Variants in ANKFN1 observed in about 807,000 individuals in gnomAD.
The protein encoded by ANKFN1 is ankyrin repeat and fibronectin type III domain containing 1.
ANKFN1 carries 74 observed loss-of-function variants against 108.7 expected under a neutral mutation model. That is an observed-to-expected ratio of 0.68 (90% CI 0.56 to 0.83). ANKFN1 has a LOEUF of 0.83. Among genes scored for constraint, ANKFN1 ranks in the 40% least tolerant of loss-of-function variants. The pLI, the probability that ANKFN1 is intolerant of heterozygous loss-of-function variation, is 0.00. For missense variants in ANKFN1, 1,505 were observed against 1,382.3 expected, an observed-to-expected ratio of 1.09 and a Z score of -1.41; for synonymous variants, 547 against 516.2, an observed-to-expected ratio of 1.06 and a Z score of -0.81.
chr17:56,361,317 A>G (rs2014255203), intron 6 of ANKFN1, among the ~76,000 whole-genome samples: 1 of 152,138 alleles, frequency 6.6e-6, no homozygotes, highest in Admixed American at 6.5e-5. Flanking sequence ...CCATCCCCCA[A>G]AACCCAAAAT....
chr17:56,191,949 T>A (rs146446626), intron 1 of ANKFN1, among the ~76,000 whole-genome samples: 1 of 151,686 alleles, frequency 6.6e-6, no homozygotes, highest in South Asian at 2.1e-4. Flanking sequence ...CCCTTCTCGC[T>A]TCATTTCATT....
At chr17:56,418,471 G>A (rs951078696) in intron 8 of ANKFN1, among the ~76,000 whole-genome samples, 1 of 152,134 alleles carries the variant, frequency 6.6e-6, no homozygotes, top group Non-Finnish European at 1.5e-5. Flanking sequence ...AAATGAAAAT[G>A]TTCAAGTCGA....
chr17:56,261,348 C>T (rs1168607030), intron 3 of ANKFN1, among the ~76,000 whole-genome samples: 1 of 152,172 alleles, frequency 6.6e-6, no homozygotes, highest in Non-Finnish European at 1.5e-5. Context: ...GTTAGTTCCC[C>T]TTTGCAGTTG....
intron 8 of ANKFN1, among the ~76,000 whole-genome samples, chr17:56,426,596 G>A (rs1481961050): frequency 6.6e-6 from 1 of 152,084 alleles, no homozygotes; most frequent in Admixed American, 6.5e-5. Context: ...GAAACTAAAG[G>A]CAACACACAA....
intron 4 of ANKFN1, among the ~76,000 whole-genome samples, chr17:56,334,539 C>A (rs184467590): frequency 6.6e-6 from 1 of 151,878 alleles, no homozygotes; most frequent in Non-Finnish European, 1.5e-5. Flanking sequence ...TATTGAACAC[C>A]TATTTTTTCA....
chr17:56,317,397 T>C (rs1381840248), intron 3 of ANKFN1, among the ~76,000 whole-genome samples: 1 of 152,202 alleles, frequency 6.6e-6, no homozygotes, highest in Non-Finnish European at 1.5e-5. Flanking sequence ...CCCACCCACG[T>C]AGTTAAAGCT....
At position 56,460,452 on chromosome 17, in the gene ANKFN1, A is replaced by AAAAATAAAAT. The variant is rs61400496; in HGVS notation, c.1557+2493_1557+2502dup. On this transcript the variant is annotated intron_variant, in intron 14 of 20. Transcript: ENST00000682825. Reference sequence around the variant, plus strand: ...TGGGTGAAAGAGTAAGACCTTGTCTAAAAATAAAATAAAATAAAATAAAAT... The same window carrying AAAAATAAAAT: ...TGGGTGAAAGAGTAAGACCTTGTCTAAAAATAAAATAAAATAAAATAAAATAAAATAAAAT... Among the ~76,000 whole-genome samples, 42 of 151,228 alleles carry AAAAATAAAAT rather than the reference A, an allele frequency of 2.8e-4. 1 individual carries two copies. Among genetic ancestry groups the AAAAATAAAAT allele is most frequent in the African/African-American group, 1.0e-3 (41 of 40,676 alleles).
intron 8 of ANKFN1, among the ~76,000 whole-genome samples, chr17:56,424,115 A>G (rs1456518297): frequency 6.6e-6 from 1 of 152,220 alleles, no homozygotes; most frequent in African/African-American, 2.4e-5. Context: ...ATTTTTCTGG[A>G]GTCCCACAGG....
intron 8 of ANKFN1, among the ~76,000 whole-genome samples, chr17:56,376,439 C>A (rs1018473922): frequency 3.3e-5 from 5 of 152,174 alleles, no homozygotes; most frequent in African/African-American, 7.2e-5. Flanking sequence ...ACTCTGATAC[C>A]TTTTCTTGGT....
At chr17:56,226,756 A>T (rs1916307608) in intron 2 of ANKFN1, among the ~76,000 whole-genome samples, 1 of 152,214 alleles carries the variant, frequency 6.6e-6, no homozygotes, top group African/African-American at 2.4e-5. Context: ...GAGAGGAAAT[A>T]CAATAAGTCT....
chr17:56,440,340 G>A lies in ANKFN1; in HGVS notation c.924G>A (p.Met308Ile). The change falls in exon 9 of 21, where the codon ATG becomes ATA. Residue 308 changes from methionine to isoleucine, a missense_variant. Physicochemically the swap from Met to Ile is conservative, Grantham distance 10. Coordinates refer to ENST00000682825, the MANE Select transcript of ANKFN1 (RefSeq NM_001370326.1). ...VVTRYKVEWS[M>I]SEDFSPLAGE... ...TACTCCCTCCAGTGGAATGGAGTATGTCCGAAGACTTTTCTCCTTTGGCTG... is the reference window on the plus strand; with the variant it reads ...TACTCCCTCCAGTGGAATGGAGTATATCCGAAGACTTTTCTCCTTTGGCTG... 1 of 1,611,456 alleles carries A rather than the reference G, an allele frequency of 6.2e-7. No homozygotes were observed. The highest frequency in any genetic ancestry group is 8.5e-7 in the Non-Finnish European group (1 of 1,178,268).
intron 8 of ANKFN1, among the ~76,000 whole-genome samples, chr17:56,406,210 G>T (rs1033175188): frequency 6.6e-6 from 1 of 152,130 alleles, no homozygotes; most frequent in Non-Finnish European, 1.5e-5. Context: ...CATCCCATAC[G>T]CAGGAATAGA....
intron 8 of ANKFN1, among the ~76,000 whole-genome samples, chr17:56,379,390 C>T (rs528737787): frequency 6.7e-6 from 1 of 149,692 alleles, no homozygotes; most frequent in African/African-American, 2.5e-5. Flanking sequence ...CAGAGTGAGA[C>T]TCCATCTCAA....
At chr17:56,398,481 A>G (rs1409149292) in intron 8 of ANKFN1, among the ~76,000 whole-genome samples, 1 of 152,172 alleles carries the variant, frequency 6.6e-6, no homozygotes, top group African/African-American at 2.4e-5. Flanking sequence ...CTTTTCTTTA[A>G]AACAACTAGG....
At chr17:56,307,627 G>C (rs1050332525) in intron 3 of ANKFN1, among the ~76,000 whole-genome samples, 2 of 152,164 alleles carry the variant, frequency 1.3e-5, no homozygotes, top group Non-Finnish European at 2.9e-5. Flanking sequence ...TACACTGTTG[G>C]TGGGACTGTA....
chr17:56,092,566 G>A (rs113744961), intron 4 of ANKFN1, among the ~76,000 whole-genome samples: 8 of 151,086 alleles, frequency 5.3e-5, no homozygotes, highest in African/African-American at 9.7e-5. Context: ...GAGCCACCGC[G>A]CCCAGTCGGT....
chr17:56,261,346 C>T (rs752366900), intron 3 of ANKFN1, among the ~76,000 whole-genome samples: 2 of 152,122 alleles, frequency 1.3e-5, no homozygotes, highest in African/African-American at 4.8e-5. Context: ...GTGTTAGTTC[C>T]CCTTTGCAGT....
chr17:56,180,306 C>T (rs1911567812), intron 1 of ANKFN1, among the ~76,000 whole-genome samples: 3 of 152,266 alleles, frequency 2.0e-5, no homozygotes, highest in South Asian at 4.1e-4. Flanking sequence ...TGTTGCTAGG[C>T]GTGTCAGCGT....
chr17:56,174,162 G>A, intron 1 of ANKFN1: 1 of 984,658 alleles, frequency 1.0e-6, no homozygotes, highest in Non-Finnish European at 1.2e-6. Context: ...TTCATTCTCT[G>A]GAGGCTGCAT....
Sources: gnomAD v4.1 joint callset for allele counts (sites outside exome capture counted in the v4.1 genomes callset) on GRCh38, gnomAD v4.1.1 for gene constraint, MANE v1.5 for transcripts, NCBI Gene and HGNC (gene_info 2026-07-23, HGNC 2026-07-21) for gene names.